The following FAM240A variants were observed in gnomAD, a reference collection of about 807,000 sequenced individuals.
The protein encoded by FAM240A is family with sequence similarity 240 member A.
Under a neutral mutation model 7.3 loss-of-function variants are expected in FAM240A, and 8 were observed. The observed-to-expected ratio is 1.09, with a 90% CI of 0.64 to 1.97. The LOEUF (loss-of-function observed/expected upper bound fraction) is 1.97, where lower values mean the gene tolerates loss of function less well. Ranked by LOEUF, FAM240A falls within the 30% of genes most tolerant of loss-of-function variation. FAM240A has a pLI of 0.00. For synonymous variants in FAM240A, 32 were observed against 35.9 expected, an observed-to-expected ratio of 0.89 and a Z score of 0.38; for missense variants, 90 against 102.2, an observed-to-expected ratio of 0.88 and a Z score of 0.52.
chr3:46,621,669 T>C (rs1426907313), intron 2 of FAM240A, among the ~76,000 whole-genome samples: 1 of 150,878 alleles, frequency 6.6e-6, no homozygotes, highest in Non-Finnish European at 1.5e-5. Flanking sequence ...AAAGGGGGAG[T>C]GGGGCTGAAA....
chr3:46,616,356 A>G (rs1697628845), intron 1 of FAM240A, among the ~76,000 whole-genome samples: 1 of 152,112 alleles, frequency 6.6e-6, no homozygotes, highest in Admixed American at 6.5e-5. Context: ...TTTTATTTCA[A>G]TAGCTTTAGG....
intron 1 of FAM240A, among the ~76,000 whole-genome samples, chr3:46,615,490 T>C (rs1106665): frequency 0.049 from 7,494 of 152,214 alleles, 224 homozygotes; most frequent in Non-Finnish European, 0.069. Flanking sequence ...TCTGGGCTCC[T>C]CCAGCAGCCC....
chr3:46,615,846 G>GCGCGCACACA (rs1553617840), intron 1 of FAM240A, among the ~76,000 whole-genome samples: 40 of 148,736 alleles, frequency 2.7e-4, no homozygotes, highest in African/African-American at 9.9e-4. Context: ...CCACATGTGT[G>GCGCGCACACA]CACGCACACA....
rs35741930 is a variant in FAM240A, at chr3:46,618,867, G to GTA, written c.161+1554_161+1555dup. On this transcript the variant is annotated intron_variant, in intron 2 of 2. Coordinates refer to ENST00000640551, the MANE Select transcript of FAM240A (RefSeq NM_001195442.2). Reference sequence around the variant, plus strand: ...AAAAGAAAAAAAGATATATATATATGTATATATATATATATACACACACAC... The same window carrying GTA: ...AAAAGAAAAAAAGATATATATATATGTATATATATATATATATACACACACAC... Among the ~76,000 whole-genome samples, 103 of 138,660 alleles carry GTA rather than the reference G, an allele frequency of 7.4e-4. 1 individual carries two copies. The highest frequency in any genetic ancestry group is 4.5e-3 in the East Asian group (21 of 4,654). 91.0% of individuals were successfully genotyped at this position (138,660 alleles called of 152,430 possible). A position where few individuals can be genotyped will look rare whatever the true frequency, so the allele number is the denominator to read the frequency against.
intron 2 of FAM240A, among the ~76,000 whole-genome samples, chr3:46,619,716 G>T (rs935869664): frequency 1.3e-5 from 2 of 152,156 alleles, no homozygotes; most frequent in Admixed American, 6.5e-5. Flanking sequence ...GCACTCTGAG[G>T]TCCAGCCCTC....
intron 2 of FAM240A, among the ~76,000 whole-genome samples, chr3:46,619,239 G>A (rs1341254163): frequency 1.3e-5 from 2 of 152,298 alleles, no homozygotes; most frequent in Non-Finnish European, 2.9e-5. Context: ...GGGCAAGGGT[G>A]GGAACAAGCT....
intron 2 of FAM240A, among the ~76,000 whole-genome samples, chr3:46,624,030 T>C (rs1030383731): frequency 2.0e-5 from 3 of 152,196 alleles, no homozygotes; most frequent in Non-Finnish European, 4.4e-5. Context: ...TATTTAACTA[T>C]TGTTCTTTGT....
At chr3:46,615,850 G>GCACACACA (rs111864834) in intron 1 of FAM240A, among the ~76,000 whole-genome samples, 3,942 of 150,302 alleles carry the variant, frequency 0.026, 75 homozygotes, top group Middle Eastern at 0.092. Flanking sequence ...ATGTGTGCAC[G>GCACACACA]CACACACACA....
intron 2 of FAM240A, 94 bp downstream of exon 2, chr3:46,617,422 C>A: frequency 8.6e-7 from 1 of 1,164,744 alleles, no homozygotes; most frequent in Non-Finnish European, 1.2e-6. Context: ...CAAAATTGAG[C>A]AGAAGGTACT....
chr3:46,623,464 A>G (rs977662834), intron 2 of FAM240A, among the ~76,000 whole-genome samples: 3 of 152,176 alleles, frequency 2.0e-5, no homozygotes, highest in Admixed American at 6.5e-5. Context: ...TCATTTACTG[A>G]TTATTGAAAG....
At position 46,617,175 on chromosome 3, in the gene FAM240A, CT is replaced by C; in HGVS notation, c.16-3del. The C allele has an allele frequency of 6.6e-7, 1 of 1,504,576 alleles. No homozygotes were observed. Among genetic ancestry groups the C allele is most frequent in the Non-Finnish European group, 8.8e-7 (1 of 1,132,550 alleles). 93.2% of individuals were successfully genotyped at this position (1,504,576 alleles called of 1,614,324 possible). On this transcript the variant is annotated splice_polypyrimidine_tract_variant and splice_region_variant and intron_variant, in intron 1 of 2. Transcript: ENST00000640551. ...TTTGGTTATTTGTATGGCTATTTTCCTTTTTAGGGGATGAACAATCAATACA... is the reference window on the plus strand; with the variant it reads ...TTTGGTTATTTGTATGGCTATTTTCCTTTTAGGGGATGAACAATCAATACA...
intron 2 of FAM240A, among the ~76,000 whole-genome samples, 163 bp from the exon 3 acceptor site, chr3:46,624,965 A>T (rs1575387467): frequency 1.2e-4 from 3 of 25,206 alleles, no homozygotes; most frequent in South Asian, 1.0e-3. Flanking sequence ...TGAATAAATT[A>T]TATATATATA....
chr3:46,612,875 C>T (rs1310590700), intron 1 of FAM240A, among the ~76,000 whole-genome samples, 177 bp downstream of exon 1: 1 of 152,212 alleles, frequency 6.6e-6, no homozygotes, highest in Non-Finnish European at 1.5e-5. Context: ...ATTTACTTAT[C>T]AAGAGCTTTC....
In FAM240A at chr3:46,625,755, A is replaced by G. The variant is rs1392555695; in HGVS notation, c.*537A>G. On this transcript the variant is annotated 3_prime_UTR_variant, in exon 3 of 3. Transcript: ENST00000640551. ...TGATCTAATATTCTTTTTTCTTCAT[A>G]TAAATTTAATTAGCTTTTTCAAAAG... The G allele has an allele frequency of 6.6e-6, 1 of 152,236 alleles. No individual in the cohort carries two copies. The highest frequency in any genetic ancestry group is 1.5e-5 in the Non-Finnish European group (1 of 68,048). 9.4% of individuals were successfully genotyped at this position (152,236 alleles called of 1,614,324 possible). A position where few individuals can be genotyped will look rare whatever the true frequency, so the allele number is the denominator to read the frequency against.
At chr3:46,621,704 A>G (rs1697696717) in intron 2 of FAM240A, among the ~76,000 whole-genome samples, 1 of 151,890 alleles carries the variant, frequency 6.6e-6, no homozygotes, top group African/African-American at 2.4e-5. Context: ...GAGCCTCGGG[A>G]GGTCGAGGCT....
At chr3:46,617,155 T>C in intron 1 of FAM240A, 28 bp from the exon 2 acceptor site, 1 of 1,469,724 alleles carries the variant, frequency 6.8e-7, no homozygotes, top group Non-Finnish European at 9.1e-7. Context: ...TGTTTTTTGG[T>C]TATTTGTATG....
At position 46,617,163 on chromosome 3, in the gene FAM240A, A is replaced by G. The variant is rs1223239746; in HGVS notation, c.16-20A>G. The G allele has an allele frequency of 1.3e-6, 2 of 1,488,858 alleles. No homozygotes were observed. Among genetic ancestry groups the G allele is most frequent in the Non-Finnish European group, 1.8e-6 (2 of 1,121,008 alleles). The allele number at this position is 1,488,858 out of a possible 1,614,324, so 92.2% of individuals were successfully genotyped here. On this transcript the variant is annotated intron_variant, in intron 1 of 2. Coordinates refer to ENST00000640551, the MANE Select transcript of FAM240A (RefSeq NM_001195442.2). Reference sequence around the variant, plus strand: ...CTTCATATGTTTTTTGGTTATTTGTATGGCTATTTTCCTTTTTAGGGGATG... The same window carrying G: ...CTTCATATGTTTTTTGGTTATTTGTGTGGCTATTTTCCTTTTTAGGGGATG...
intron 2 of FAM240A, among the ~76,000 whole-genome samples, chr3:46,617,815 G>C (rs1426004012): frequency 6.6e-6 from 1 of 152,196 alleles, no homozygotes; most frequent in African/African-American, 2.4e-5. Context: ...GAAAACACAA[G>C]ATGGCCTGCG....
intron 1 of FAM240A, among the ~76,000 whole-genome samples, chr3:46,615,850 G>GCACACACACACACA (rs111864834): frequency 6.7e-6 from 1 of 150,232 alleles, no homozygotes; most frequent in African/African-American, 2.4e-5. Flanking sequence ...ATGTGTGCAC[G>GCACACACACACACA]CACACACACA....
Sources: gnomAD v4.1 joint callset for allele counts (sites outside exome capture counted in the v4.1 genomes callset) on GRCh38, gnomAD v4.1.1 for gene constraint, MANE v1.5 for transcripts, NCBI Gene and HGNC (gene_info 2026-07-23, HGNC 2026-07-21) for gene names.